PUS7L: variants seen among roughly 807,000 people sequenced by gnomAD.
The protein encoded by PUS7L is pseudouridine synthase 7 like.
A neutral mutation model predicts 51.1 loss-of-function variants in PUS7L; 49 were observed. That is an observed-to-expected ratio of 0.96 (90% CI 0.76 to 1.22). The LOEUF (loss-of-function observed/expected upper bound fraction) is 1.22. Among genes scored for constraint, PUS7L ranks in the 50% most tolerant of loss-of-function variants. The pLI is 0.00. For missense variants in PUS7L, 828 were observed against 820.6 expected, an observed-to-expected ratio of 1.01 and a Z score of -0.11; for synonymous variants, 277 against 276.2, an observed-to-expected ratio of 1.00 and a Z score of -0.03.
intron 4 of PUS7L, among the ~76,000 whole-genome samples, chr12:43,745,417 T>G (rs781234210): frequency 1.3e-4 from 20 of 152,238 alleles, no homozygotes; most frequent in Non-Finnish European, 2.6e-4. Context: ...TCCCATGCTA[T>G]TCTCATGATA....
In PUS7L at chr12:43,748,253, G is replaced by A. The variant is rs191920503; in HGVS notation, c.1070+197C>T. ...TTGAGTACTTTACATTCTATTTCAC[G>A]AGGATTTTTTTTAAATGTAAGGATC... On this transcript the variant is annotated intron_variant, in intron 3 of 8. Coordinates refer to ENST00000344862, the MANE Select transcript of PUS7L (RefSeq NM_031292.5). 1.8e-3 allele frequency among the ~76,000 whole-genome samples: 276 copies of A among 152,130 alleles called. 4 individuals are homozygous for A. The highest frequency in any genetic ancestry group is 0.018 in the Admixed American group (271 of 15,292).
At chr12:43,758,265 TG>T (rs1938940842) in intron 1 of PUS7L, 1 of 963,552 alleles carries the variant, frequency 1.0e-6, no homozygotes, top group Admixed American at 6.2e-5. Flanking sequence ...TCCAGCATCC[TG>T]GTAGAAGAGT....
At chr12:43,755,863 G>A (rs746761202) in intron 1 of PUS7L, among the ~76,000 whole-genome samples, 3 of 152,210 alleles carry the variant, frequency 2.0e-5, no homozygotes, top group Non-Finnish European at 2.9e-5. Context: ...TTTCAAGGTT[G>A]AGCCAGAGGA....
At chr12:43,756,748 TC>T (rs1052570757) in intron 1 of PUS7L, among the ~76,000 whole-genome samples, 126 of 152,320 alleles carry the variant, frequency 8.3e-4, no homozygotes, top group African/African-American at 2.9e-3. Flanking sequence ...TTCTTATGAC[TC>T]CCAATGTCCT....
intron 2 of PUS7L, among the ~76,000 whole-genome samples, chr12:43,752,170 G>A (rs1938483869): frequency 6.6e-6 from 1 of 152,108 alleles, no homozygotes; most frequent in Admixed American, 6.6e-5. Context: ...CTGATGGGCT[G>A]CAGTTATTTA....
rs754989077 is a variant in PUS7L at position 43,738,400 on chromosome 12, A to G, written c.1363-9T>C. 2.0e-6 allele frequency: 3 copies of G among 1,472,410 alleles called. No homozygotes were observed. The Admixed American group carries it at 5.1e-5, about 25-fold the overall frequency. The allele number at this position is 1,472,410 out of a possible 1,614,324, so 91.2% of individuals were successfully genotyped here. On this transcript the variant is annotated splice_polypyrimidine_tract_variant and intron_variant, in intron 5 of 8. Coordinates refer to ENST00000344862, the MANE Select transcript of PUS7L (RefSeq NM_031292.5). ...AATTTTATGGCTTTCATCTTAAAAA[A>G]TCAAGCAGGTAAACATGTGTTAATG...
chr12:43,745,993 G>T, intron 4 of PUS7L, 53 bp downstream of exon 4: 1 of 808,440 alleles, frequency 1.2e-6, no homozygotes, highest in South Asian at 1.6e-5. Context: ...TCAGTGTAGA[G>T]AAAGAGACAA....
At chr12:43,749,309 C>G (rs890631876) in intron 2 of PUS7L, among the ~76,000 whole-genome samples, 1 of 152,130 alleles carries the variant, frequency 6.6e-6, no homozygotes, top group Non-Finnish European at 1.5e-5. Flanking sequence ...AACATGTGTT[C>G]CCCTTGTATG....
At chr12:43,750,084 T>G (rs1413419844) in intron 2 of PUS7L, among the ~76,000 whole-genome samples, 1 of 152,210 alleles carries the variant, frequency 6.6e-6, no homozygotes, top group Non-Finnish European at 1.5e-5. Context: ...CCATTTATTA[T>G]TTGTCTTACT....
chr12:43,747,840 G>A (rs1384773017), intron 3 of PUS7L, among the ~76,000 whole-genome samples: 1 of 152,182 alleles, frequency 6.6e-6, no homozygotes, highest in Non-Finnish European at 1.5e-5. Context: ...CCAGGCTGGA[G>A]TGCAGTTGCA....
chr12:43,731,590 C>A (rs938477213), intron 8 of PUS7L, 115 bp downstream of exon 8: 2 of 591,410 alleles, frequency 3.4e-6, no homozygotes, highest in African/African-American at 3.8e-5. Context: ...ATAAATTATA[C>A]CTTAATTTAA....
In PUS7L at chr12:43,729,336, T is replaced by C. The variant is rs1944498925; in HGVS notation, c.*1040A>G. On this transcript the variant is annotated 3_prime_UTR_variant, in exon 9 of 9. Coordinates refer to ENST00000344862, the MANE Select transcript of PUS7L (RefSeq NM_031292.5). ...AAGTATATATATCACATTACTGATA[T>C]ATAATGCTCCATACTGCTTTTTAAA... The C allele has an allele frequency of 2.5e-6, 1 of 394,016 alleles. No homozygotes were observed. Among genetic ancestry groups the C allele is most frequent in the African/African-American group, 2.1e-5 (1 of 48,538 alleles). The allele number at this position is 394,016 out of a possible 1,614,324, so 24.4% of individuals were successfully genotyped here. A position where few individuals can be genotyped will look rare whatever the true frequency, so the allele number is the denominator to read the frequency against.
rs1944382974 is a variant in PUS7L, at chr12:43,720,338, G to A, written c.*10038C>T. ...ATCTCTAATAAAAATACAAAAATTA[G>A]CTGGGTATGGTGGCACACGCCTGTA... On this transcript the variant is annotated 3_prime_UTR_variant, in exon 9 of 9. Coordinates refer to ENST00000344862, the MANE Select transcript of PUS7L (RefSeq NM_031292.5). 6.6e-6 allele frequency: 1 copy of A among 152,164 alleles called. No homozygotes were observed. The highest frequency in any genetic ancestry group is 2.4e-5 in the African/African-American group (1 of 41,440). The allele number at this position is 152,164 out of a possible 1,614,324, so 9.4% of individuals were successfully genotyped here.
chr12:43,730,068 C>T lies in PUS7L; in HGVS notation c.*308G>A, dbSNP rs934676204. On this transcript the variant is annotated 3_prime_UTR_variant, in exon 9 of 9. Coordinates refer to ENST00000344862, the MANE Select transcript of PUS7L (RefSeq NM_031292.5). ...CACAACTTTTTTTCTTAAATGTTAT[C>T]TTGCAGTATTATATATATTCCTAAT... 8.6e-6 allele frequency: 2 copies of T among 232,134 alleles called. No individual in the cohort carries two copies. The highest frequency in any genetic ancestry group is 2.3e-5 in the African/African-American group (1 of 44,400). The allele number at this position is 232,134 out of a possible 1,614,324, so 14.4% of individuals were successfully genotyped here.
rs993863188 is a variant in PUS7L, at chr12:43,729,348, T to C, written c.*1028A>G. 1.0e-5 allele frequency: 4 copies of C among 391,670 alleles called. No homozygotes were observed. Among genetic ancestry groups the C allele is most frequent in the East Asian group, 3.6e-5 (1 of 27,740 alleles). 24.3% of individuals were successfully genotyped at this position (391,670 alleles called of 1,614,324 possible). ...CACATTACTGATATATAATGCTCCA[T>C]ACTGCTTTTTAAATTTCATCATTAT... is the stretch of plus-strand genomic sequence containing the variant. On this transcript the variant is annotated 3_prime_UTR_variant, in exon 9 of 9. Coordinates refer to ENST00000344862, the MANE Select transcript of PUS7L (RefSeq NM_031292.5).
In PUS7L at chr12:43,754,967, C is replaced by G. The variant is rs1392136714; in HGVS notation, c.279G>C (p.Lys93Asn). 1 of 1,613,730 alleles carries G rather than the reference C, an allele frequency of 6.2e-7. No homozygotes were observed. Among genetic ancestry groups the G allele is most frequent in the Non-Finnish European group, 8.5e-7 (1 of 1,179,800 alleles). Reference protein sequence around the residue: ...GRNQEVHTLIKYTDGDQNHQS... With the variant: ...GRNQEVHTLINYTDGDQNHQS... ...GATGATTTTGGTCACCATCAGTGTA[C>G]TTAATCAAAGTATGAACTTCTTGGT... Residue 93 changes from lysine to asparagine, a missense_variant, in exon 2 of 9, where the codon AAG becomes AAC. By Grantham distance (94) the Lys-to-Asn change is moderately conservative. Coordinates refer to ENST00000344862, the MANE Select transcript of PUS7L (RefSeq NM_031292.5).
At chr12:43,746,832 T>A (rs1249462503) in intron 3 of PUS7L, among the ~76,000 whole-genome samples, 1 of 152,356 alleles carries the variant, frequency 6.6e-6, no homozygotes, top group East Asian at 1.9e-4. Context: ...CAAATGTATC[T>A]CTAGTTTTTT....
chr12:43,730,861 T>C (rs1004396914), intron 8 of PUS7L, among the ~76,000 whole-genome samples, 159 bp from the exon 9 acceptor site: 2 of 152,186 alleles, frequency 1.3e-5, no homozygotes, highest in Non-Finnish European at 2.9e-5. Context: ...TAATATGCTA[T>C]GATATTTTTA....
In PUS7L at chr12:43,736,606, T is replaced by C. The variant is rs1323710767; in HGVS notation, c.1500A>G (p.Ala500=). Residue 500 remains alanine, a synonymous_variant, in exon 7 of 9, where the codon GCA becomes GCG. Coordinates refer to ENST00000344862, the MANE Select transcript of PUS7L (RefSeq NM_031292.5). ...CAAAGCGGTGCAATGCCTCCAACAA[T>C]GCTCTCTCACGCACTTTGAATTCAG... is the stretch of plus-strand genomic sequence containing the variant. The part of the protein sequence containing the change: ...LMPEFKVRER[A]LLEALHRFGM... The C allele has an allele frequency of 4.3e-6, 7 of 1,614,028 alleles. No homozygotes were observed. Among genetic ancestry groups the C allele is most frequent in the Non-Finnish European group, 5.1e-6 (6 of 1,180,028 alleles).
Sources: allele counts gnomAD v4.1 joint callset (sites outside exome capture counted in the v4.1 genomes callset), GRCh38; gene constraint gnomAD v4.1.1; transcripts MANE v1.5; gene names NCBI Gene and HGNC (gene_info 2026-07-23, HGNC 2026-07-21).